The following MGST2 variants were observed in gnomAD, a reference collection of about 807,000 sequenced individuals.
The protein encoded by MGST2 is glutathione peroxidase MGST2.
Under a neutral mutation model 16.6 loss-of-function variants are expected in MGST2, and 9 were observed. The observed-to-expected ratio is 0.54, with a 90% CI of 0.33 to 0.95. The LOEUF (loss-of-function observed/expected upper bound fraction) is 0.95. Among genes scored for constraint, MGST2 ranks in the 40% least tolerant of loss-of-function variants. The pLI is 0.03. For missense variants in MGST2, 159 were observed against 175.1 expected (o/e 0.91, Z 0.52); for synonymous variants, 79 against 68.0 (o/e 1.16, Z -0.79).
chr4:139,734,732 C>A (rs745603194), intron 5 of MGST2, among the ~76,000 whole-genome samples: 4 of 152,204 alleles, frequency 2.6e-5, no homozygotes, highest in Admixed American at 6.5e-5. Flanking sequence ...TAAATCTGTG[C>A]GTAGGGAAGC....
downstream of MGST2, among the ~76,000 whole-genome samples, chr4:139,741,864 T>A (rs538944430): frequency 1.2e-4 from 18 of 152,342 alleles, no homozygotes; most frequent in African/African-American, 3.6e-4. Context: ...CTGTATTTTT[T>A]AAAATAAAAA....
intron 5 of MGST2, among the ~76,000 whole-genome samples, chr4:139,727,086 C>A (rs79487643): frequency 6.6e-6 from 1 of 152,156 alleles, no homozygotes; most frequent in African/African-American, 2.4e-5. Context: ...CACCTCTTAA[C>A]GCCTGTGTTT....
intron 1 of MGST2, among the ~76,000 whole-genome samples, chr4:139,676,100 A>G (rs748277556): frequency 6.6e-6 from 1 of 152,108 alleles, no homozygotes; most frequent in Non-Finnish European, 1.5e-5. Context: ...GGCAATCTTT[A>G]TGTCACTATA....
chr4:139,685,348 G>C (rs1428225877), intron 2 of MGST2: 1 of 162,450 alleles, frequency 6.2e-6, no homozygotes, highest in African/African-American at 2.4e-5. Context: ...GGGAACACCC[G>C]CCTAGCCAGC....
At chr4:139,679,849 G>A (rs1248278863) in intron 2 of MGST2, among the ~76,000 whole-genome samples, 1 of 151,952 alleles carries the variant, frequency 6.6e-6, no homozygotes. Context: ...GTTAAGTCAA[G>A]TGGAAAGTAT....
chr4:139,666,131 T>TGC, intron 1 of MGST2, 54 bp downstream of exon 1: 1 of 1,558,570 alleles, frequency 6.4e-7, no homozygotes, highest in Non-Finnish European at 8.8e-7. Context: ...TGTGTGTGTG[T>TGC]GTGACAAGGC....
downstream of MGST2, among the ~76,000 whole-genome samples, chr4:139,745,376 TCAGATTAGAA>T (rs1420857956): frequency 6.6e-6 from 1 of 152,124 alleles, no homozygotes; most frequent in Non-Finnish European, 1.5e-5. Context: ...TAAGCTAGTG[TCAGATTAGAA>T]CAGGGCTGGA....
chr4:139,708,205 G>A (rs1000320326), downstream of MGST2, among the ~76,000 whole-genome samples: 5 of 152,176 alleles, frequency 3.3e-5, no homozygotes, highest in South Asian at 2.1e-4. Context: ...GGTCTAACAC[G>A]TAAGTCTTTA....
At position 139,715,214 on chromosome 4, in the gene MGST2, C is replaced by CTT. The variant is rs755600466; in HGVS notation, c.*48+11020_*48+11021dup. Among the ~76,000 whole-genome samples, 16 of 152,168 alleles carry CTT rather than the reference C, an allele frequency of 1.1e-4. No homozygotes were observed. The highest frequency in any genetic ancestry group is 1.9e-4 in the Non-Finnish European group (13 of 68,026). ...GCTGGGCCTCTAACCCAATCCCATT[C>CTT]TTTACCCAGGTACCCCACCACTTAC... On this transcript the variant is annotated intron_variant, in intron 5 of 5. Transcript: ENST00000616265. The surrounding 1 kb of genome is among the most constrained non-coding windows in gnomAD (Gnocchi z 4.4).
downstream of MGST2, among the ~76,000 whole-genome samples, chr4:139,740,904 AGCT>A (rs1381184254): frequency 2.0e-5 from 3 of 152,164 alleles, no homozygotes; most frequent in Non-Finnish European, 4.4e-5. Flanking sequence ...GCCTTCCACA[AGCT>A]GCCTTTCTGG....
chr4:139,733,559 A>C (rs78198118), intron 5 of MGST2, among the ~76,000 whole-genome samples: 1 of 32,128 alleles, frequency 3.1e-5, no homozygotes, highest in Non-Finnish European at 6.0e-5. Context: ...CACAGTGTGA[A>C]AAAAAAAAAA....
intron 1 of MGST2, among the ~76,000 whole-genome samples, chr4:139,672,908 T>C (rs1376589657): frequency 6.6e-6 from 1 of 152,128 alleles, no homozygotes; most frequent in Non-Finnish European, 1.5e-5. Context: ...AAACAACAGC[T>C]TATTTGTAGC....
chr4:139,703,572 AAG>A, intron 4 of MGST2, 36 bp downstream of exon 4: 1 of 1,579,956 alleles, frequency 6.3e-7, no homozygotes, highest in South Asian at 1.1e-5. Context: ...TTTATGCAAA[AAG>A]TAGCAGGATA....
intron 5 of MGST2, among the ~76,000 whole-genome samples, chr4:139,729,932 T>C (rs1001330324): frequency 3.9e-5 from 6 of 152,350 alleles, no homozygotes; most frequent in African/African-American, 1.2e-4. Context: ...CAGGCCTTAT[T>C]ATTCTGCTAT....
Position 139,735,743 on chromosome 4 carries a change from C to T in MGST2, c.*49-4469C>T, listed in dbSNP as rs1471041767. Among the ~76,000 whole-genome samples the T allele has an allele frequency of 1.3e-5, 2 of 152,214 alleles. No individual in the cohort carries two copies. Among genetic ancestry groups the T allele is most frequent in the Admixed American group, 6.5e-5 (1 of 15,288 alleles). On this transcript the variant is annotated intron_variant, in intron 5 of 5. Transcript: ENST00000616265. The surrounding 1 kb of genome is among the most constrained non-coding windows in gnomAD (Gnocchi z 5.8). ...ATGCTTACAAGTCCTCAGGGGACTC[C>T]GGCTAGGAAGTCAGGAGTGGGGCCC...
At chr4:139,695,148 G>T in intron 2 of MGST2, 49 bp from the exon 3 acceptor site, 1 of 1,312,030 alleles carries the variant, frequency 7.6e-7, no homozygotes, top group Non-Finnish European at 1.1e-6. Flanking sequence ...CAATGCTTCA[G>T]TGTATACTTT....
rs1727338951 is a variant in MGST2, at chr4:139,702,866, T to TC, written c.230-589_230-588insC. ...CTGGTTTTTTTTTTTTTTTTTTTTT[T>TC]TTTTACAATTTTAGCCATTCTGTTG... On this transcript the variant is annotated intron_variant, in intron 3 of 4. Coordinates refer to ENST00000265498, the MANE Select transcript of MGST2 (RefSeq NM_002413.5). Among the ~76,000 whole-genome samples, 2 of 136,816 alleles carry TC rather than the reference T, an allele frequency of 1.5e-5. 1 individual carries two copies. Among genetic ancestry groups the TC allele is most frequent in the Admixed American group, 1.5e-4 (2 of 13,450 alleles). 89.8% of individuals were successfully genotyped at this position (136,816 alleles called of 152,430 possible).
chr4:139,709,071 A>AATTTT (rs755140695), downstream of MGST2, among the ~76,000 whole-genome samples: 409 of 82,038 alleles, frequency 5.0e-3, 26 homozygotes, highest in Non-Finnish European at 7.1e-3. Flanking sequence ...AATGGAAAAA[A>AATTTT]TTTTTTTTTT....
intron 5 of MGST2, among the ~76,000 whole-genome samples, chr4:139,732,486 A>T (rs762376009): frequency 6.6e-6 from 1 of 152,214 alleles, no homozygotes; most frequent in Non-Finnish European, 1.5e-5. Flanking sequence ...CCTAGAAACA[A>T]TCACCCAAGA....
Sources: allele counts gnomAD v4.1 joint callset (sites outside exome capture counted in the v4.1 genomes callset), GRCh38; gene constraint gnomAD v4.1.1; non-coding constraint Gnocchi (gnomAD v3.1); transcripts MANE v1.5; gene names NCBI Gene and HGNC (gene_info 2026-07-23, HGNC 2026-07-21).